GPR143: variants seen among roughly 807,000 people sequenced by gnomAD.
GPR143 encodes G protein-coupled receptor 143.
Under a neutral mutation model 27.6 loss-of-function variants are expected in GPR143, and 8 were observed. That is an observed-to-expected ratio of 0.29 (90% CI 0.17 to 0.52). The LOEUF (loss-of-function observed/expected upper bound fraction) is 0.52. GPR143 is among the 20% of genes least tolerant of loss of function. GPR143 has a pLI of 0.96. For missense variants in GPR143, 303 were observed against 343.1 expected (o/e 0.88, Z 0.92); for synonymous variants, 156 against 153.2 (o/e 1.02, Z -0.13).
chrX:9,729,541 T>C (rs774606138), intron 8 of GPR143, among the ~76,000 whole-genome samples: 61 of 112,328 alleles, frequency 5.4e-4, no homozygotes, highest in African/African-American at 1.8e-3. Context: ...AAGTTCAGCC[T>C]GCCTGTGCTC....
intron 3 of GPR143, among the ~76,000 whole-genome samples, chrX:9,754,751 G>A (rs1017345048): frequency 8.9e-6 from 1 of 111,814 alleles, no homozygotes; most frequent in Non-Finnish European, 1.9e-5. Flanking sequence ...AGATTGCCCT[G>A]TGGGACCCCA....
intron 1 of GPR143, among the ~76,000 whole-genome samples, chrX:9,778,250 T>A (rs2083577164): frequency 8.9e-6 from 1 of 111,946 alleles, no homozygotes. Flanking sequence ...TTACACTGGT[T>A]AGCACTGGGA....
At chrX:9,765,915 G>A, upstream of GPR143, 1 of 863,537 alleles carries the variant, frequency 1.2e-6, no homozygotes, top group Non-Finnish European at 1.5e-6. Context: ...TGTGCCCTGG[G>A]CCTCTCCCCC....
intron 7 of GPR143, chrX:9,741,129 C>T (rs1419668495): frequency 9.7e-6 from 3 of 308,534 alleles, no homozygotes; most frequent in Non-Finnish European, 1.7e-5. Context: ...GATGGGGTCT[C>T]CCTACATTGC....
rs73472098 is a variant in GPR143, at chrX:9,748,414, C to G, written c.548+160G>C. On this transcript the variant is annotated intron_variant, in intron 4 of 8. Coordinates refer to ENST00000467482, the MANE Select transcript of GPR143 (RefSeq NM_000273.3). ...CATTCTCCAAGCTATTGTAGTCAGCCCTCTGGGGCTGGGCCGTGAGCATGG... is the reference window on the plus strand; with the variant it reads ...CATTCTCCAAGCTATTGTAGTCAGCGCTCTGGGGCTGGGCCGTGAGCATGG... Among the ~76,000 whole-genome samples the G allele has an allele frequency of 0.063, 7,076 of 112,751 alleles. 551 individuals carry two copies. Among genetic ancestry groups the G allele is most frequent in the African/African-American group, 0.22 (6,671 of 30,988 alleles).
Position 9,743,600 on chromosome X carries a change from G to A in GPR143, c.732C>T (p.Ile244=), listed in dbSNP as rs1569118844. 8.4e-7 allele frequency: 1 copy of A among 1,187,042 alleles called. No homozygotes were observed. Among genetic ancestry groups the A allele is most frequent in the Non-Finnish European group, 1.1e-6 (1 of 872,774 alleles). ...NERRMGAVIK[I]RFFKIMLVLI... ...AAACCAGCATGATTTTGAAAAATCG[G>A]ATCTTGATCACGGCTCCCATCCTCC... Residue 244 remains isoleucine, a synonymous_variant, in exon 6 of 9, where the codon ATC becomes ATT. Coordinates refer to ENST00000467482, the MANE Select transcript of GPR143 (RefSeq NM_000273.3).
chrX:9,765,488 G>A, intron 1 of GPR143, 80 bp downstream of exon 1: 1 of 896,638 alleles, frequency 1.1e-6, no homozygotes, highest in African/African-American at 2.3e-5. Flanking sequence ...CCGGGCACCA[G>A]TCGGGTCTCA....
At chrX:9,741,510 T>A in intron 6 of GPR143, 55 bp from the exon 7 acceptor site, 1 of 603,621 alleles carries the variant, frequency 1.7e-6, no homozygotes, top group Non-Finnish European at 2.9e-6. Flanking sequence ...AACTCGTTTT[T>A]AAATGCTGGA....
chrX:9,747,692 G>T (rs1377879205), intron 4 of GPR143: 1 of 111,547 alleles, frequency 9.0e-6, no homozygotes, highest in Admixed American at 9.6e-5. Context: ...TTTTTCTGTC[G>T]ATTTTTTTTC....
chrX:9,741,589 A>G, intron 6 of GPR143, 134 bp from the exon 7 acceptor site: 4 of 465,090 alleles, frequency 8.6e-6, no homozygotes, highest in East Asian at 3.9e-5. Context: ...CCACTTCTGC[A>G]GTAAGAAACT....
At chrX:9,737,642 G>A (rs1371612943) in intron 8 of GPR143, among the ~76,000 whole-genome samples, 1 of 111,740 alleles carries the variant, frequency 8.9e-6, no homozygotes, top group African/African-American at 3.3e-5. Flanking sequence ...TAGTGGTGAC[G>A]TGTGCACAAC....
chrX:9,732,018 T>C (rs746584055), intron 8 of GPR143, among the ~76,000 whole-genome samples: 1 of 110,396 alleles, frequency 9.1e-6, no homozygotes, highest in South Asian at 3.8e-4. Context: ...TAATAGAGAG[T>C]AGAATTATAG....
intron 3 of GPR143, among the ~76,000 whole-genome samples, chrX:9,757,312 C>T (rs1402911043): frequency 8.9e-6 from 1 of 111,887 alleles, no homozygotes; most frequent in African/African-American, 3.2e-5. Context: ...ACTGATCCCA[C>T]TTATGACCTA....
chrX:9,729,269 G>C (rs929270780), intron 8 of GPR143, among the ~76,000 whole-genome samples: 4 of 111,412 alleles, frequency 3.6e-5, no homozygotes, highest in African/African-American at 1.3e-4. Context: ...CTGTTTATGA[G>C]GACATCTGGA....
Position 9,743,654 on chromosome X carries a change from T to G in GPR143, c.678A>C (p.Gly226=). The part of the protein sequence containing the change: ...TVTAVASLLK[G]RQGIYTENER... ...CGTTCTCCGTGTAAATGCCTTGTCT[T>G]CCTTTAAGTAAAGAGGCCACTGTGA... Residue 226 remains glycine, a synonymous_variant, in exon 6 of 9, where the codon GGA becomes GGC. Transcript: ENST00000467482. The G allele has an allele frequency of 8.7e-7, 1 of 1,146,296 alleles. No individual in the cohort carries two copies. Among genetic ancestry groups the G allele is most frequent in the Non-Finnish European group, 1.2e-6 (1 of 835,487 alleles). 94.5% of individuals were successfully genotyped at this position (1,146,296 alleles called of 1,213,427 possible). A position where few individuals can be genotyped will look rare whatever the true frequency, so the allele number is the denominator to read the frequency against.
chrX:9,763,952 A>C (rs1222281824), intron 1 of GPR143, among the ~76,000 whole-genome samples: 2 of 112,753 alleles, frequency 1.8e-5, no homozygotes, highest in Non-Finnish European at 1.9e-5. Context: ...AGACATTAAC[A>C]TTTAAATTTC....
chrX:9,774,621 G>A (rs866989802), intron 1 of GPR143, among the ~76,000 whole-genome samples: 16 of 74,821 alleles, frequency 2.1e-4, no homozygotes, highest in Admixed American at 4.7e-4. Flanking sequence ...TTTAATGGAC[G>A]GAAGGAGGAC....
chrX:9,764,500 ACGCG>A (rs1417002044), intron 1 of GPR143, among the ~76,000 whole-genome samples: 1 of 38,218 alleles, frequency 2.6e-5, no homozygotes. Flanking sequence ...GAATTTACAC[ACGCG>A]CACACACACA....
At chrX:9,734,165 G>A (rs1216796409) in intron 8 of GPR143, among the ~76,000 whole-genome samples, 1 of 110,860 alleles carries the variant, frequency 9.0e-6, no homozygotes, top group Non-Finnish European at 1.9e-5. Flanking sequence ...AGAATTGTGG[G>A]AGAAAACAAT....
Sources: gnomAD v4.1 joint callset for allele counts (sites outside exome capture counted in the v4.1 genomes callset) on GRCh38, gnomAD v4.1.1 for gene constraint, MANE v1.5 for transcripts, NCBI Gene and HGNC (gene_info 2026-07-23, HGNC 2026-07-21) for gene names.